BRCC3: variants seen among roughly 807,000 people sequenced by gnomAD.
BRCC3 encodes lys-63-specific deubiquitinase BRCC36.
BRCC3 carries 15 observed loss-of-function variants against 28.0 expected under a neutral mutation model. That is an observed-to-expected ratio of 0.54 (90% CI 0.36 to 0.82). The LOEUF (loss-of-function observed/expected upper bound fraction) is 0.82. Ranked by LOEUF, BRCC3 falls within the 40% of genes least tolerant of loss-of-function variation. BRCC3 has a pLI of 0.01. For synonymous variants in BRCC3, 66 were observed against 80.3 expected, an observed-to-expected ratio of 0.82 and a Z score of 0.95; for missense variants, 109 against 225.9, an observed-to-expected ratio of 0.48 and a Z score of 3.32.
rs1334886565 is a variant in BRCC3 at position 155,072,418 on chromosome X, A to T, written c.140+75A>T. On this transcript the variant is annotated intron_variant, in intron 2 of 10. Transcript: ENST00000330045. The stretch of plus-strand genomic sequence containing the variant: ...AACCTAAAATTATGGCGACTTTGGC[A>T]GTATTGTGTCCGGATCGTGTCTTAA... 7.2e-6 allele frequency: 6 copies of T among 833,939 alleles called. No homozygotes were observed. In the East Asian group the frequency reaches 1.9e-4, roughly 27 times the overall value. 68.7% of individuals were successfully genotyped at this position (833,939 alleles called of 1,213,427 possible).
chrX:155,089,069 A>G (rs143567106), intron 5 of BRCC3, among the ~76,000 whole-genome samples, 194 bp from the exon 6 acceptor site: 24 of 111,967 alleles, frequency 2.1e-4, no homozygotes, highest in African/African-American at 7.8e-4. Context: ...TTTCGATAGT[A>G]TTACCCTAAC....
chrX:155,080,800 T>C (rs1228665854), intron 5 of BRCC3, among the ~76,000 whole-genome samples: 3 of 111,989 alleles, frequency 2.7e-5, no homozygotes, highest in African/African-American at 9.8e-5. Context: ...AAGAACATAG[T>C]CTCAGAGTTA....
intron 5 of BRCC3, among the ~76,000 whole-genome samples, chrX:155,084,393 G>C (rs1220761839): frequency 2.7e-5 from 3 of 109,997 alleles, no homozygotes; most frequent in African/African-American, 9.9e-5. Context: ...GACAGAGTCT[G>C]GCTCTGTCGC....
At chrX:155,084,689 G>C (rs1212163579) in intron 5 of BRCC3, among the ~76,000 whole-genome samples, 5 of 112,276 alleles carry the variant, frequency 4.5e-5, no homozygotes, top group Non-Finnish European at 5.6e-5. Flanking sequence ...AAGTAGGATA[G>C]GCCAGGTGTA....
At chrX:155,121,153 A>G (rs191327302) in intron 10 of BRCC3, 70 bp from the exon 11 acceptor site, 29 of 112,082 alleles carry the variant, frequency 2.6e-4, no homozygotes, top group African/African-American at 9.1e-4. Flanking sequence ...AGCATATGGA[A>G]TGTATATACT....
intron 5 of BRCC3, among the ~76,000 whole-genome samples, chrX:155,084,670 G>GT (rs1207296643): frequency 6.2e-5 from 7 of 112,279 alleles, no homozygotes; most frequent in Non-Finnish European, 1.1e-4. Flanking sequence ...GCCCCAAAAA[G>GT]TTTTTTTAAA....
intron 7 of BRCC3, among the ~76,000 whole-genome samples, chrX:155,113,981 T>C (rs1356234791): frequency 1.8e-5 from 2 of 111,159 alleles, no homozygotes; most frequent in African/African-American, 6.5e-5. Flanking sequence ...CAAGTGTTGG[T>C]GGGAATATGG....
intron 5 of BRCC3, among the ~76,000 whole-genome samples, chrX:155,087,012 C>T (rs1410830117): frequency 1.8e-5 from 2 of 111,655 alleles, no homozygotes; most frequent in East Asian, 5.6e-4. Flanking sequence ...TGTGTTTGGA[C>T]GGAAGCAGAA....
At position 155,085,356 on chromosome X, in the gene BRCC3, A is replaced by G. The variant is rs782130496; in HGVS notation, c.404-3907A>G. Among the ~76,000 whole-genome samples the G allele has an allele frequency of 1.8e-4, 20 of 112,900 alleles. No homozygotes were observed. In the South Asian group the frequency reaches 7.3e-3, roughly 41 times the overall value. On this transcript the variant is annotated intron_variant, in intron 5 of 10. Transcript: ENST00000330045. ...AGATTCTTCAAGAAAACTGTTTCTTAAATACCTGTGTAATTGCCCACAAAG... is the reference window on the plus strand; with the variant it reads ...AGATTCTTCAAGAAAACTGTTTCTTGAATACCTGTGTAATTGCCCACAAAG...
intron 7 of BRCC3, among the ~76,000 whole-genome samples, chrX:155,106,247 C>T (rs1371495867): frequency 1.4e-4 from 16 of 111,602 alleles, no homozygotes; most frequent in African/African-American, 5.2e-4. Flanking sequence ...AAGCATTTAA[C>T]TTCTTTTTTG....
At chrX:155,098,526 A>T (rs1490177663) in intron 7 of BRCC3, among the ~76,000 whole-genome samples, 1 of 112,191 alleles carries the variant, frequency 8.9e-6, no homozygotes, top group Non-Finnish European at 1.9e-5. Flanking sequence ...CTTGTAGGCC[A>T]GGTTGGCCTG....
At chrX:155,102,813 A>G (rs2074254656) in intron 7 of BRCC3, among the ~76,000 whole-genome samples, 1 of 112,268 alleles carries the variant, frequency 8.9e-6, no homozygotes, top group African/African-American at 3.2e-5. Flanking sequence ...TATTTTGTCA[A>G]ATGGTTATCT....
At chrX:155,083,778 G>A (rs931978493) in intron 5 of BRCC3, among the ~76,000 whole-genome samples, 1 of 112,548 alleles carries the variant, frequency 8.9e-6, no homozygotes, top group Non-Finnish European at 1.9e-5. Context: ...TGAAAATCTA[G>A]TGACCATTTT....
chrX:155,096,194 A>G (rs1351935202), intron 7 of BRCC3, among the ~76,000 whole-genome samples: 2 of 112,484 alleles, frequency 1.8e-5, no homozygotes, highest in African/African-American at 6.5e-5. Flanking sequence ...ACTTATAGGA[A>G]GTATCCAGAA....
chrX:155,108,698 A>G (rs782570867), intron 7 of BRCC3, among the ~76,000 whole-genome samples: 2 of 111,606 alleles, frequency 1.8e-5, no homozygotes, highest in African/African-American at 3.3e-5. Context: ...CCCCTCATGT[A>G]TAAGTCATAT....
rs1410421125 is a variant in BRCC3, at chrX:155,122,762, G to T, written c.*1558G>T. ...AGTCTCAAATGGTCACATACTGTATGATCGCATTTATATAACATTCTTGAG... is the reference window on the plus strand; with the variant it reads ...AGTCTCAAATGGTCACATACTGTATTATCGCATTTATATAACATTCTTGAG... On this transcript the variant is annotated 3_prime_UTR_variant, in exon 11 of 11. Coordinates refer to ENST00000330045, the MANE Select transcript of BRCC3 (RefSeq NM_001018055.3). 2 of 111,440 alleles carry T rather than the reference G, an allele frequency of 1.8e-5. No homozygotes were observed. Among genetic ancestry groups the T allele is most frequent in the African/African-American group, 6.5e-5 (2 of 30,632 alleles). 9.2% of individuals were successfully genotyped at this position (111,440 alleles called of 1,213,427 possible). A position where few individuals can be genotyped will look rare whatever the true frequency, so the allele number is the denominator to read the frequency against.
chrX:155,082,820 T>C (rs1214086968), intron 5 of BRCC3, among the ~76,000 whole-genome samples: 1 of 112,575 alleles, frequency 8.9e-6, no homozygotes, highest in Non-Finnish European at 1.9e-5. Flanking sequence ...GTTTTTTCTT[T>C]CCAATACAGG....
At chrX:155,103,022 C>G (rs997030261) in intron 7 of BRCC3, among the ~76,000 whole-genome samples, 1 of 110,978 alleles carries the variant, frequency 9.0e-6, no homozygotes. Context: ...AAAAATTACC[C>G]CTGGTTGAAA....
At chrX:155,091,063 C>T (rs928584476) in intron 7 of BRCC3, among the ~76,000 whole-genome samples, 5 of 111,883 alleles carry the variant, frequency 4.5e-5, no homozygotes, top group Middle Eastern at 4.6e-3. Flanking sequence ...ACTGTAATTA[C>T]ATCACCACAG....
Sources: gnomAD v4.1 joint callset for allele counts (sites outside exome capture counted in the v4.1 genomes callset) on GRCh38, gnomAD v4.1.1 for gene constraint, MANE v1.5 for transcripts, NCBI Gene and HGNC (gene_info 2026-07-23, HGNC 2026-07-21) for gene names.